The following TRPM3 variants were observed in gnomAD, a reference collection of about 807,000 sequenced individuals.
TRPM3 encodes the protein transient receptor potential cation channel subfamily M member 3.
Under a neutral mutation model 181.2 loss-of-function variants are expected in TRPM3, and 77 were observed. The observed-to-expected ratio is 0.42, with a 90% CI of 0.35 to 0.51. TRPM3 has a LOEUF of 0.51. Among genes scored for constraint, TRPM3 ranks in the 20% least tolerant of loss-of-function variants. The pLI is 0.01. For synonymous variants in TRPM3, 745 were observed against 796.4 expected (o/e 0.94, Z 1.09); for missense variants, 1,759 against 2,196.7 (o/e 0.80, Z 3.98).
intron 6 of TRPM3, among the ~76,000 whole-genome samples, chr9:70,809,322 C>T (rs1311473971): frequency 6.6e-6 from 1 of 152,094 alleles, no homozygotes; most frequent in Non-Finnish European, 1.5e-5. Context: ...CCTAATTATA[C>T]AGTGTTTATA....
chr9:71,312,222 AAAC>A (rs2088021843), intron 1 of TRPM3, among the ~76,000 whole-genome samples: 1 of 152,200 alleles, frequency 6.6e-6, no homozygotes, highest in Admixed American at 6.6e-5. Flanking sequence ...AACAGTGAGA[AAAC>A]AACCCAATTA....
At chr9:70,908,017 C>T (rs541427526) in intron 1 of TRPM3, among the ~76,000 whole-genome samples, 1 of 152,150 alleles carries the variant, frequency 6.6e-6, no homozygotes, top group South Asian at 2.1e-4. Context: ...AATAAACATA[C>T]TAGTGCAGGT....
chr9:71,022,054 A>G (rs563274334), intron 1 of TRPM3, among the ~76,000 whole-genome samples: 2 of 152,172 alleles, frequency 1.3e-5, no homozygotes, highest in Admixed American at 6.5e-5. Flanking sequence ...AAAAATCTAT[A>G]GGATAGAAAG....
chr9:71,066,968 GA>G (rs1211972786), intron 1 of TRPM3, among the ~76,000 whole-genome samples: 1 of 151,962 alleles, frequency 6.6e-6, no homozygotes, highest in African/African-American at 2.4e-5. Flanking sequence ...AGAGGTTTGG[GA>G]AAAAAACTGT....
intron 6 of TRPM3, chr9:70,825,030 T>G (rs1365202192): frequency 6.6e-6 from 1 of 152,266 alleles, no homozygotes; most frequent in East Asian, 1.9e-4. Flanking sequence ...TCCATCCGAC[T>G]TTGGGGGCTG....
intron 1 of TRPM3, among the ~76,000 whole-genome samples, chr9:70,930,599 T>TCCA (rs1162388731): frequency 2.6e-5 from 4 of 152,122 alleles, no homozygotes; most frequent in African/African-American, 9.7e-5. Context: ...CTACACTGGA[T>TCCA]CTGTGGTCTT....
chr9:71,215,121 C>T (rs1459403144), intron 1 of TRPM3, among the ~76,000 whole-genome samples: 1 of 146,840 alleles, frequency 6.8e-6, no homozygotes, highest in Non-Finnish European at 1.5e-5. Flanking sequence ...TAGTGTTTAA[C>T]ATAAACACTG....
At position 70,761,663 on chromosome 9, in the gene TRPM3, T is replaced by G. The variant is rs1489057045; in HGVS notation, c.1210A>C (p.Thr404Pro). The G allele has an allele frequency of 6.2e-7, 1 of 1,613,794 alleles. No homozygotes were observed. The highest frequency in any genetic ancestry group is 8.5e-7 in the Non-Finnish European group (1 of 1,179,890). ...LVTIQKTFTY[T>P]RTQAQHLFII... is the part of the protein sequence containing the mutation. ...AACAGATGCTGAGCTTGGGTTCGAG[T>G]GTATGTGAAAGTCTTCTGTATAGTC... Residue 404 changes from threonine (T) to proline (P), a missense_variant, in exon 8 of 26, where the codon ACT becomes CCT. Thr to Pro is a conservative substitution (Grantham distance 38). This residue lies in a region of TRPM3 where 737 missense variants were observed against 957.4 expected (regional missense o/e 0.77). Coordinates refer to ENST00000677713, the MANE Select transcript of TRPM3 (RefSeq NM_001366145.2).
At chr9:71,247,213 G>C (rs1363948962) in intron 1 of TRPM3, among the ~76,000 whole-genome samples, 1 of 152,004 alleles carries the variant, frequency 6.6e-6, no homozygotes, top group African/African-American at 2.4e-5. Context: ...AATTAGCTGG[G>C]CGTGGTGGCA....
rs1379545552 is a variant in TRPM3, at chr9:71,121,196, T to C, written c.159A>G (p.Pro53=). 6.2e-7 allele frequency: 1 copy of C among 1,613,902 alleles called. No homozygotes were observed. Among genetic ancestry groups the C allele is most frequent in the Non-Finnish European group, 8.5e-7 (1 of 1,179,884 alleles). Residue 53 remains proline (P), a synonymous_variant, in exon 1 of 26, where the codon CCA becomes CCG. Transcript: ENST00000677713. ...IRKLCHAAFL[P]SVRLLKAQKS... ...ACAGTACCTTCAGAAGTCTGACAGA[T>C]GGAAGAAAGGCTGCGTGGCACAGCT...
At chr9:70,832,135 A>C (rs2093974345) in intron 5 of TRPM3, among the ~76,000 whole-genome samples, 1 of 104,526 alleles carries the variant, frequency 9.6e-6, no homozygotes, top group Non-Finnish European at 1.8e-5. Context: ...CACTCTGGGG[A>C]CTGTTGTGGG....
At chr9:70,915,747 C>T (rs1001000767) in intron 1 of TRPM3, among the ~76,000 whole-genome samples, 38 of 150,454 alleles carry the variant, frequency 2.5e-4, no homozygotes, top group African/African-American at 9.3e-4. Context: ...TAGAAAATAT[C>T]CTCAAAAAGG....
intron 1 of TRPM3, among the ~76,000 whole-genome samples, chr9:71,006,518 G>A (rs932639938): frequency 3.3e-5 from 5 of 151,954 alleles, no homozygotes; most frequent in African/African-American, 1.2e-4. Flanking sequence ...ACATGCAAAT[G>A]GAAACAAACA....
chr9:70,969,011 T>C lies in TRPM3; in HGVS notation c.178-104500A>G, dbSNP rs544998492. Among the ~76,000 whole-genome samples, 4 of 152,162 alleles carry C rather than the reference T, an allele frequency of 2.6e-5. No homozygotes were observed. In the South Asian group the frequency reaches 8.3e-4, roughly 32 times the overall value. On this transcript the variant is annotated intron_variant, in intron 1 of 25. Coordinates refer to ENST00000677713, the MANE Select transcript of TRPM3 (RefSeq NM_001366145.2). ...GGCAACAAAAGCCAAAATTGACAAA[T>C]AGGATCTAAATAAACTAAAGAGCTT...
intron 8 of TRPM3, among the ~76,000 whole-genome samples, chr9:70,751,272 G>T (rs117238404): frequency 0.012 from 1,789 of 152,262 alleles, 25 homozygotes; most frequent in Non-Finnish European, 0.018. Flanking sequence ...AAAAGAAGTT[G>T]ATGTAAGTGG....
intron 1 of TRPM3, among the ~76,000 whole-genome samples, chr9:71,255,352 T>C (rs2082605189): frequency 6.6e-6 from 1 of 152,202 alleles, no homozygotes. Context: ...AAAGAATGCT[T>C]TAATTCCACT....
intron 1 of TRPM3, among the ~76,000 whole-genome samples, chr9:71,436,205 TGCCTTGATTCTGAGGCCTCCC>T (rs201558331): frequency 0.093 from 14,130 of 151,670 alleles, 712 homozygotes; most frequent in East Asian, 0.18. Context: ...TTTCGCATCC[TGCCTTGATTCTGAGGCCTCCC>T]GCCTTGATTC....
At chr9:70,789,795 ATTACATAC>A in intron 6 of TRPM3, among the ~76,000 whole-genome samples, 1 of 152,356 alleles carries the variant, frequency 6.6e-6, no homozygotes, top group Admixed American at 6.5e-5. Context: ...GGGCTTTCTA[ATTACATAC>A]TGAACCCTAA....
intron 1 of TRPM3, among the ~76,000 whole-genome samples, chr9:71,295,466 C>T (rs11142789): frequency 0.19 from 29,022 of 149,078 alleles, 2,901 homozygotes; most frequent in African/African-American, 0.25. Context: ...TCTATTTTGG[C>T]TTCCTTTTTT....
Sources: allele counts gnomAD v4.1 joint callset (sites outside exome capture counted in the v4.1 genomes callset), GRCh38; gene constraint gnomAD v4.1.1; regional missense constraint gnomAD v4.1.1; transcripts MANE v1.5; gene names NCBI Gene and HGNC (gene_info 2026-07-23, HGNC 2026-07-21).